Variants in SBF2 observed in about 807,000 individuals in gnomAD.
The protein encoded by SBF2 is SET binding factor 2, also known as myotubularin-related protein 13.
A neutral mutation model predicts 225.2 loss-of-function variants in SBF2; 112 were observed. That is an observed-to-expected ratio of 0.50 (90% CI 0.43 to 0.58). The LOEUF is 0.58. Among genes scored for constraint, SBF2 ranks in the 20% least tolerant of loss-of-function variants. The pLI, the probability that SBF2 is intolerant of heterozygous loss-of-function variation, is 0.00. For synonymous variants in SBF2, 763 were observed against 773.3 expected, an observed-to-expected ratio of 0.99 and a Z score of 0.22; for missense variants, 1,996 against 2,206.2, an observed-to-expected ratio of 0.90 and a Z score of 1.91.
intron 2 of SBF2, among the ~76,000 whole-genome samples, chr11:10,192,174 G>C (rs1481500760): frequency 6.6e-6 from 1 of 152,100 alleles, no homozygotes; most frequent in Non-Finnish European, 1.5e-5. Context: ...CCAATTACTG[G>C]TATTTGCAGG....
At chr11:9,872,883 G>C (rs1408024850) in intron 17 of SBF2, among the ~76,000 whole-genome samples, 1 of 152,082 alleles carries the variant, frequency 6.6e-6, no homozygotes, top group Non-Finnish European at 1.5e-5. Context: ...GTTCAACATA[G>C]TTGTGTCTGA....
intron 3 of SBF2, among the ~76,000 whole-genome samples, chr11:10,039,622 C>T (rs1949576190): frequency 6.6e-6 from 1 of 151,826 alleles, no homozygotes; most frequent in Admixed American, 6.6e-5. Flanking sequence ...AATATCTAAG[C>T]TAAAAAGAGA....
At chr11:9,990,641 A>T (rs1165712970) in intron 12 of SBF2, among the ~76,000 whole-genome samples, 1 of 152,222 alleles carries the variant, frequency 6.6e-6, no homozygotes, top group Non-Finnish European at 1.5e-5. Flanking sequence ...TCACCACTGT[A>T]GGCCAAACAG....
intron 3 of SBF2, among the ~76,000 whole-genome samples, chr11:10,034,307 G>A (rs1228644553): frequency 6.6e-6 from 1 of 152,130 alleles, no homozygotes; most frequent in African/African-American, 2.4e-5. Flanking sequence ...CATCATCTCT[G>A]TGCTTCAATA....
intron 32 of SBF2, among the ~76,000 whole-genome samples, chr11:9,799,828 T>C (rs1454750494): frequency 6.6e-6 from 1 of 152,244 alleles, no homozygotes; most frequent in South Asian, 2.1e-4. Context: ...CAAATGGAAC[T>C]CACCTAGACT....
intron 16 of SBF2, 35 bp downstream of exon 16, chr11:9,961,922 A>T: frequency 6.3e-7 from 1 of 1,594,394 alleles, no homozygotes; most frequent in Non-Finnish European, 8.6e-7. Context: ...AGTATTCTCA[A>T]ATAAGAGGAA....
chr11:9,972,161 G>C (rs1946490269), intron 13 of SBF2, among the ~76,000 whole-genome samples: 1 of 152,088 alleles, frequency 6.6e-6, no homozygotes, highest in African/African-American at 2.4e-5. Context: ...ATGTGTTGTA[G>C]TTTTCACATC....
intron 12 of SBF2, among the ~76,000 whole-genome samples, chr11:9,991,635 TGA>T (rs1000156298): frequency 4.6e-5 from 7 of 152,160 alleles, no homozygotes; most frequent in Non-Finnish European, 8.8e-5. Flanking sequence ...TGGGCTGCTG[TGA>T]ATATAGAGTT....
At chr11:10,030,933 G>A in intron 4 of SBF2, 115 bp downstream of exon 4, 3 of 899,206 alleles carry the variant, frequency 3.3e-6, no homozygotes, top group Non-Finnish European at 5.2e-6. Flanking sequence ...GTATTTCATA[G>A]ATGAATTCCT....
Position 10,031,319 on chromosome 11 carries a change from G to C in SBF2, c.280-149C>G, listed in dbSNP as rs374329669. 3.6e-5 allele frequency: 27 copies of C among 750,786 alleles called. 1 individual carries two copies. In the East Asian group the frequency reaches 4.4e-4, roughly 12 times the overall value. 46.5% of individuals were successfully genotyped at this position (750,786 alleles called of 1,614,324 possible). On this transcript the variant is annotated intron_variant, in intron 3 of 39. Coordinates refer to ENST00000256190, the MANE Select transcript of SBF2 (RefSeq NM_030962.4). ...AAAATCAAACTACAAATAAAGAATAGACTTTAAGAGCATTCTAAAAGTAAA... is the reference window on the plus strand; with the variant it reads ...AAAATCAAACTACAAATAAAGAATACACTTTAAGAGCATTCTAAAAGTAAA...
At chr11:10,058,130 G>A (rs930187519) in intron 2 of SBF2, among the ~76,000 whole-genome samples, 2 of 152,216 alleles carry the variant, frequency 1.3e-5, no homozygotes, top group African/African-American at 4.8e-5. Flanking sequence ...CCAAATGACT[G>A]CACCAGTTCT....
chr11:9,967,657 T>A (rs964650679), intron 14 of SBF2, among the ~76,000 whole-genome samples: 2 of 152,138 alleles, frequency 1.3e-5, no homozygotes, highest in Non-Finnish European at 2.9e-5. Flanking sequence ...GGCTCACGAC[T>A]GTAATCCCAA....
At chr11:10,042,656 C>A (rs960496001) in intron 3 of SBF2, among the ~76,000 whole-genome samples, 188 bp downstream of exon 3, 4 of 152,158 alleles carry the variant, frequency 2.6e-5, no homozygotes, top group Admixed American at 2.0e-4. Flanking sequence ...TGAAAAAGGA[C>A]AATTAAATCT....
At chr11:10,071,227 T>A (rs1443605123) in intron 2 of SBF2, among the ~76,000 whole-genome samples, 3 of 151,828 alleles carry the variant, frequency 2.0e-5, no homozygotes, top group Non-Finnish European at 4.4e-5. Flanking sequence ...GAGGGCATCC[T>A]TGTCTTGTGC....
intron 17 of SBF2, among the ~76,000 whole-genome samples, chr11:9,880,199 T>C (rs191869559): frequency 2.1e-4 from 31 of 149,804 alleles, no homozygotes; most frequent in Non-Finnish European, 3.9e-4. Context: ...ACAACAACAA[T>C]TCACAATCAG....
intron 2 of SBF2, among the ~76,000 whole-genome samples, chr11:10,152,475 G>A (rs968439391): frequency 6.6e-6 from 1 of 152,004 alleles, no homozygotes; most frequent in African/African-American, 2.4e-5. Flanking sequence ...CTTGAACCTG[G>A]GGGGCGGAGG....
chr11:10,106,348 C>T (rs767267686), intron 2 of SBF2, among the ~76,000 whole-genome samples: 3 of 152,130 alleles, frequency 2.0e-5, no homozygotes, highest in Admixed American at 2.0e-4. Context: ...CACAACTGGC[C>T]GGGCACAGTG....
rs759361288 is a variant in SBF2, at chr11:9,882,246, A to G, written c.1929+13697T>C. 2.6e-5 allele frequency among the ~76,000 whole-genome samples: 4 copies of G among 152,272 alleles called. No individual in the cohort carries two copies. In the South Asian group the frequency reaches 8.3e-4, roughly 32 times the overall value. On this transcript the variant is annotated intron_variant, in intron 17 of 39. Transcript: ENST00000256190. ...TTGAGTGAAAACAAACCTCTTCATAATTTTTTAACCTTGAAAACTCTGCAT... is the reference window on the plus strand; with the variant it reads ...TTGAGTGAAAACAAACCTCTTCATAGTTTTTTAACCTTGAAAACTCTGCAT...
At chr11:10,205,216 A>G (rs1480211590) in intron 1 of SBF2, among the ~76,000 whole-genome samples, 1 of 152,022 alleles carries the variant, frequency 6.6e-6, no homozygotes, top group Non-Finnish European at 1.5e-5. Context: ...AATAGTGGTA[A>G]TGGTCGCACA....
Sources: allele counts gnomAD v4.1 joint callset (sites outside exome capture counted in the v4.1 genomes callset), GRCh38; gene constraint gnomAD v4.1.1; transcripts MANE v1.5; gene names NCBI Gene and HGNC (gene_info 2026-07-23, HGNC 2026-07-21).